The following NKD1 variants were observed in gnomAD, a reference collection of about 807,000 sequenced individuals.
NKD1 encodes protein naked cuticle homolog 1.
In NKD1, 21 loss-of-function variants were observed where a neutral mutation model predicts 56.0. That is an observed-to-expected ratio of 0.38 (90% confidence interval 0.27 to 0.54). The LOEUF (loss-of-function observed/expected upper bound fraction) is 0.54. Among genes scored for constraint, NKD1 ranks in the 20% least tolerant of loss-of-function variants. The pLI, the probability that NKD1 is intolerant of heterozygous loss-of-function variation, is 0.82. For synonymous variants in NKD1, 263 were observed against 265.7 expected (o/e 0.99, Z 0.10); for missense variants, 578 against 642.7 (o/e 0.90, Z 1.09).
chr16:50,621,839 G>A (rs1962098264), intron 5 of NKD1, 131 bp downstream of exon 5: 1 of 679,266 alleles, frequency 1.5e-6, no homozygotes, highest in Admixed American at 2.7e-5. Flanking sequence ...CACCCTCTGT[G>A]GGAGGTTCCT....
At position 50,621,719 on chromosome 16, in the gene NKD1, T is replaced by C; in HGVS notation, c.366+11T>C. On this transcript the variant is annotated intron_variant, in intron 5 of 9. Coordinates refer to ENST00000268459, the MANE Select transcript of NKD1 (RefSeq NM_033119.5). ...CAGCTGAAGTTTGAAGTAAGTTTCC[T>C]TTTGGTGCTGGGTCCTGAGGAGATG... is the stretch of plus-strand genomic sequence containing the variant. The C allele has an allele frequency of 6.2e-7, 1 of 1,605,612 alleles. No individual in the cohort carries two copies. Among genetic ancestry groups the C allele is most frequent in the Non-Finnish European group, 8.5e-7 (1 of 1,173,316 alleles).
chr16:50,602,191 G>C (rs933174136), intron 3 of NKD1, among the ~76,000 whole-genome samples: 1 of 152,188 alleles, frequency 6.6e-6, no homozygotes, highest in Admixed American at 6.5e-5. Context: ...TAACAGGTCC[G>C]CAGGGGAGAG....
chr16:50,607,725 G>T (rs1200676134), intron 3 of NKD1: 3 of 154,014 alleles, frequency 1.9e-5, no homozygotes, highest in African/African-American at 7.2e-5. Flanking sequence ...TTGTTTAAAA[G>T]AATCTTCTTT....
intron 3 of NKD1, among the ~76,000 whole-genome samples, chr16:50,587,426 G>C (rs1961254615): frequency 6.6e-6 from 1 of 152,200 alleles, no homozygotes; most frequent in Non-Finnish European, 1.5e-5. Flanking sequence ...CCAAAATATA[G>C]GTGTAATACT....
chr16:50,549,259 C>G (rs1191992383), intron 2 of NKD1, among the ~76,000 whole-genome samples, 163 bp from the exon 3 acceptor site: 2 of 151,670 alleles, frequency 1.3e-5, no homozygotes, highest in African/African-American at 4.9e-5. Context: ...CCCCCCTTTA[C>G]TTACCCGCGT....
At position 50,646,629 on chromosome 16, in the gene NKD1, C is replaced by T. The variant is rs1009950434; in HGVS notation, c.*12848C>T. 6 of 152,378 alleles carry T rather than the reference C, an allele frequency of 3.9e-5. No individual in the cohort carries two copies. Among genetic ancestry groups the T allele is most frequent in the African/African-American group, 1.4e-4 (6 of 41,534 alleles). 9.4% of individuals were successfully genotyped at this position (152,378 alleles called of 1,614,324 possible). A position where few individuals can be genotyped will look rare whatever the true frequency, so the allele number is the denominator to read the frequency against. ...GACACAGTGCCCTCCCTCTAGGAGC[C>T]TTAATGGGGAAAACAAGAACACTGT... On this transcript the variant is annotated 3_prime_UTR_variant, in exon 10 of 10. Coordinates refer to ENST00000268459, the MANE Select transcript of NKD1 (RefSeq NM_033119.5).
At chr16:50,626,698 T>C (rs1403051052) in intron 6 of NKD1, among the ~76,000 whole-genome samples, 1 of 152,184 alleles carries the variant, frequency 6.6e-6, no homozygotes, top group Non-Finnish European at 1.5e-5. Flanking sequence ...GCTGGAGGGT[T>C]GGTATCCTTC....
At chr16:50,556,226 G>A (rs549022306) in intron 3 of NKD1, 1 of 152,318 alleles carries the variant, frequency 6.6e-6, no homozygotes, top group Non-Finnish European at 1.5e-5. Context: ...AGCCTGAGCA[G>A]CTCCGAAGGG....
At chr16:50,602,905 A>T (rs1961627838) in intron 3 of NKD1, among the ~76,000 whole-genome samples, 1 of 152,208 alleles carries the variant, frequency 6.6e-6, no homozygotes, top group South Asian at 2.1e-4. Flanking sequence ...CTGCAGGTTA[A>T]CAGGAAGTGC....
At chr16:50,549,015 T>A in intron 2 of NKD1, 1 of 684,718 alleles carries the variant, frequency 1.5e-6, no homozygotes. Context: ...CGGCACCCTC[T>A]CTTCAGACCC....
At chr16:50,624,946 G>T (rs996106384) in intron 5 of NKD1, among the ~76,000 whole-genome samples, 1 of 152,214 alleles carries the variant, frequency 6.6e-6, no homozygotes, top group Non-Finnish European at 1.5e-5. Context: ...CAGCAACCTC[G>T]TGGGAGAGAG....
intron 3 of NKD1, chr16:50,570,784 G>T: frequency 5.1e-6 from 5 of 982,708 alleles, no homozygotes; most frequent in Non-Finnish European, 6.0e-6. Flanking sequence ...TCTATGGAGT[G>T]ACCATGTCTA....
intron 6 of NKD1, among the ~76,000 whole-genome samples, chr16:50,629,223 A>G (rs1289253542): frequency 6.6e-6 from 1 of 152,012 alleles, no homozygotes; most frequent in Admixed American, 6.6e-5. Context: ...TTGGCCTCCC[A>G]AAGTGCTGGG....
intron 3 of NKD1, among the ~76,000 whole-genome samples, chr16:50,575,809 C>T (rs541935440): frequency 1.6e-4 from 24 of 152,296 alleles, no homozygotes; most frequent in South Asian, 1.4e-3. Context: ...TTTGTTGCAT[C>T]CTTTGGAGCA....
At chr16:50,576,296 C>T (rs1269192561) in intron 3 of NKD1, among the ~76,000 whole-genome samples, 1 of 152,146 alleles carries the variant, frequency 6.6e-6, no homozygotes, top group African/African-American at 2.4e-5. Context: ...ATACTCACCC[C>T]CATGTCCAAT....
chr16:50,575,124 G>A (rs1960965825), intron 3 of NKD1: 2 of 982,292 alleles, frequency 2.0e-6, no homozygotes, highest in African/African-American at 1.8e-5. Context: ...TAGCCAAGAA[G>A]TATATTCTAA....
intron 6 of NKD1, among the ~76,000 whole-genome samples, chr16:50,629,816 G>C (rs1386186844): frequency 1.3e-5 from 2 of 152,106 alleles, no homozygotes; most frequent in East Asian, 1.9e-4. Context: ...TATCCTTGGG[G>C]AGCTCTCAGG....
chr16:50,591,338 T>C (rs1225207144), intron 3 of NKD1, among the ~76,000 whole-genome samples: 1 of 152,196 alleles, frequency 6.6e-6, no homozygotes, highest in East Asian at 1.9e-4. Flanking sequence ...GCTGGGTTGA[T>C]GCAGAGTTGA....
chr16:50,560,429 A>G (rs1404510740), intron 3 of NKD1, among the ~76,000 whole-genome samples: 1 of 152,208 alleles, frequency 6.6e-6, no homozygotes, highest in Non-Finnish European at 1.5e-5. Flanking sequence ...AGCACTGTTC[A>G]TAGTGCTGGA....
Sources: gnomAD v4.1 joint callset for allele counts (sites outside exome capture counted in the v4.1 genomes callset) on GRCh38, gnomAD v4.1.1 for gene constraint, MANE v1.5 for transcripts, NCBI Gene and HGNC (gene_info 2026-07-23, HGNC 2026-07-21) for gene names.